Variants in GALNTL6 observed in about 807,000 individuals in gnomAD.
GALNTL6 encodes polypeptide N-acetylgalactosaminyltransferase like 6, also known as polypeptide N-acetylgalactosaminyltransferase-like 6.
In GALNTL6, 46 loss-of-function variants were observed where a neutral mutation model predicts 73.7. The ratio of observed to expected loss-of-function variants is 0.62; its 90% CI spans 0.49 to 0.80. The LOEUF (loss-of-function observed/expected upper bound fraction) is 0.80. GALNTL6 is among the 30% of genes least tolerant of loss of function. The probability of loss-of-function intolerance (pLI) is 0.00; values close to 1 mark genes in which losing one functional copy is unlikely to be tolerated. For synonymous variants in GALNTL6, 259 were observed against 263.7 expected, an observed-to-expected ratio of 0.98 and a Z score of 0.17; for missense variants, 604 against 755.0, an observed-to-expected ratio of 0.80 and a Z score of 2.34.
At chr4:172,284,711 C>G (rs1739188393) in intron 3 of GALNTL6, among the ~76,000 whole-genome samples, 1 of 152,186 alleles carries the variant, frequency 6.6e-6, no homozygotes, top group Non-Finnish European at 1.5e-5. Context: ...ATGTGGCTAT[C>G]TAATTTTCAC....
At chr4:172,669,471 A>T (rs1313677500) in intron 5 of GALNTL6, among the ~76,000 whole-genome samples, 1 of 152,162 alleles carries the variant, frequency 6.6e-6, no homozygotes, top group Non-Finnish European at 1.5e-5. Flanking sequence ...GATGCTTAGG[A>T]AGGATAGATA....
At chr4:172,858,944 A>T (rs919486057) in intron 7 of GALNTL6, among the ~76,000 whole-genome samples, 14 of 152,144 alleles carry the variant, frequency 9.2e-5, no homozygotes, top group African/African-American at 3.4e-4. Flanking sequence ...CATGAAATCA[A>T]AGAAATTATG....
chr4:172,661,243 C>A (rs1265599457), intron 5 of GALNTL6, among the ~76,000 whole-genome samples: 2 of 152,274 alleles, frequency 1.3e-5, no homozygotes, highest in South Asian at 4.2e-4. Context: ...CTCTCCACCC[C>A]CTACCCCACA....
At chr4:173,031,020 G>A (rs1561096948) in intron 12 of GALNTL6, among the ~76,000 whole-genome samples, 1 of 151,450 alleles carries the variant, frequency 6.6e-6, no homozygotes, top group Admixed American at 6.6e-5. Flanking sequence ...AGAAAAGAGA[G>A]AGAGAGAGAG....
At chr4:172,239,199 C>T (rs749746220) in intron 3 of GALNTL6, among the ~76,000 whole-genome samples, 1 of 152,040 alleles carries the variant, frequency 6.6e-6, no homozygotes, top group Non-Finnish European at 1.5e-5. Context: ...TATGTCTGGT[C>T]GAATTTGGCT....
chr4:172,906,628 T>C (rs575820571), intron 8 of GALNTL6, among the ~76,000 whole-genome samples: 2 of 152,322 alleles, frequency 1.3e-5, no homozygotes, highest in African/African-American at 2.4e-5. Flanking sequence ...GCTCTGGTTG[T>C]TGGCAGAATC....
intron 5 of GALNTL6, among the ~76,000 whole-genome samples, chr4:172,552,404 A>AAT (rs1457054874): frequency 1.3e-5 from 2 of 152,130 alleles, no homozygotes; most frequent in East Asian, 3.8e-4. Flanking sequence ...TGCCAGTGCA[A>AAT]ATATATATTT....
chr4:171,857,885 A>G (rs1315023865), intron 2 of GALNTL6, among the ~76,000 whole-genome samples: 2 of 152,200 alleles, frequency 1.3e-5, no homozygotes, highest in African/African-American at 4.8e-5. Context: ...ATACTGAGTC[A>G]TAGCAGAATT....
In GALNTL6 at chr4:172,009,910, A is replaced by G. The variant is rs191418342; in HGVS notation, c.138+195192A>G. 1.8e-3 allele frequency among the ~76,000 whole-genome samples: 275 copies of G among 152,218 alleles called. 6 individuals carry two copies. The highest frequency in any genetic ancestry group is 0.014 in the Middle Eastern group (4 of 294). ...TAGATATTACTGCAGCACAAGGCAA[A>G]AGGACTGTGTGAACCTTCTGGTGTT... On this transcript the variant is annotated intron_variant, in intron 2 of 12. Coordinates refer to ENST00000506823, the MANE Select transcript of GALNTL6 (RefSeq NM_001034845.3).
chr4:172,290,763 A>T (rs1739442070), intron 3 of GALNTL6, among the ~76,000 whole-genome samples: 1 of 151,822 alleles, frequency 6.6e-6, no homozygotes, highest in African/African-American at 2.4e-5. Context: ...ATAATAATTT[A>T]TATATGTATT....
intron 5 of GALNTL6, among the ~76,000 whole-genome samples, chr4:172,523,062 T>G (rs1734837444): frequency 6.6e-6 from 1 of 152,224 alleles, no homozygotes; most frequent in African/African-American, 2.4e-5. Flanking sequence ...AGCACACATC[T>G]CTAAACATTT....
chr4:172,809,441 C>T lies in GALNTL6; in HGVS notation c.634C>T (p.Leu212Phe). 2 of 1,613,866 alleles carry T rather than the reference C, an allele frequency of 1.2e-6. No homozygotes were observed. The highest frequency in any genetic ancestry group is 1.7e-6 in the Non-Finnish European group (2 of 1,179,816). ...TGTTCGCACCAAGAAAAGAGAAGGA[C>T]TCATCCGGACCCGTCTCCTGGGGGC... is the stretch of plus-strand genomic sequence containing the variant. The part of the protein sequence containing the change: ...RIVRTKKREG[L>F]IRTRLLGASM... Residue 212 changes from leucine (L) to phenylalanine (F), a missense_variant, in exon 6 of 13, where the codon CTC (leucine) becomes TTC (phenylalanine). Leu to Phe is a conservative substitution (Grantham distance 22). Around this residue, in one of 5 missense-constraint regions of GALNTL6, gnomAD observed 179 missense variants for 230.8 expected, o/e 0.78. Coordinates refer to ENST00000506823, the MANE Select transcript of GALNTL6 (RefSeq NM_001034845.3). This position sits in a 1 kb window ranked among gnomAD's most constrained non-coding sequence, Gnocchi z 4.4.
intron 2 of GALNTL6, among the ~76,000 whole-genome samples, chr4:171,908,321 C>T (rs1272801311): frequency 1.3e-5 from 2 of 151,994 alleles, no homozygotes; most frequent in African/African-American, 2.4e-5. Context: ...ACAAACCCAT[C>T]AAAAAGTGGG....
chr4:172,461,452 C>G (rs77580139), intron 5 of GALNTL6, among the ~76,000 whole-genome samples: 1 of 152,118 alleles, frequency 6.6e-6, no homozygotes, highest in Non-Finnish European at 1.5e-5. Context: ...GGTGAAATGT[C>G]TGGTTGGACC....
intron 2 of GALNTL6, among the ~76,000 whole-genome samples, chr4:171,859,072 A>G (rs1039076212): frequency 3.9e-5 from 6 of 152,192 alleles, no homozygotes; most frequent in Non-Finnish European, 8.8e-5. Context: ...AGTTCTACTC[A>G]GGAACTTTAA....
intron 5 of GALNTL6, among the ~76,000 whole-genome samples, chr4:172,437,248 G>T (rs1242490930): frequency 1.3e-5 from 2 of 152,046 alleles, no homozygotes; most frequent in South Asian, 2.1e-4. Flanking sequence ...TTTGCTCAAG[G>T]TTGTTAAAGC....
intron 5 of GALNTL6, among the ~76,000 whole-genome samples, chr4:172,678,718 A>G (rs938688565): frequency 7.2e-5 from 11 of 152,236 alleles, no homozygotes; most frequent in African/African-American, 2.2e-4. Flanking sequence ...GGACATAGAA[A>G]AAGCTCTCCT....
At chr4:172,032,037 A>C (rs1250998028) in intron 2 of GALNTL6, among the ~76,000 whole-genome samples, 4 of 152,096 alleles carry the variant, frequency 2.6e-5, no homozygotes, top group Non-Finnish European at 5.9e-5. Flanking sequence ...TATCACCCAT[A>C]AAAAGTTTTC....
intron 2 of GALNTL6, among the ~76,000 whole-genome samples, chr4:172,019,808 T>C (rs1741339906): frequency 6.6e-6 from 1 of 152,096 alleles, no homozygotes; most frequent in Non-Finnish European, 1.5e-5. Context: ...ACCTTCATTA[T>C]AGGCCAAGTG....
Sources: gnomAD v4.1 joint callset for allele counts (sites outside exome capture counted in the v4.1 genomes callset) on GRCh38, gnomAD v4.1.1 for gene constraint, gnomAD v4.1.1 regional missense constraint, Gnocchi (gnomAD v3.1) non-coding constraint, MANE v1.5 for transcripts, NCBI Gene and HGNC (gene_info 2026-07-23, HGNC 2026-07-21) for gene names.